ITGA1: variants seen among roughly 807,000 people sequenced by gnomAD.
ITGA1 encodes the protein integrin subunit alpha 1, also known as integrin alpha-1.
Under a neutral mutation model 145.9 loss-of-function variants are expected in ITGA1, and 85 were observed. The ratio of observed to expected loss-of-function variants is 0.58; its 90% CI spans 0.49 to 0.70. ITGA1 has a LOEUF of 0.70. Ranked by LOEUF, ITGA1 falls within the 30% of genes least tolerant of loss-of-function variation. The pLI, the probability that ITGA1 is intolerant of heterozygous loss-of-function variation, is 0.00. For synonymous variants in ITGA1, 520 were observed against 495.3 expected (o/e 1.05, Z -0.66); for missense variants, 1,351 against 1,418.7 (o/e 0.95, Z 0.77).
Position 52,871,163 on chromosome 5 carries a change from G to A in ITGA1, c.624+5346G>A, listed in dbSNP as rs531426488. Among the ~76,000 whole-genome samples the A allele has an allele frequency of 1.4e-3, 213 of 152,288 alleles. 2 individuals carry two copies. Among genetic ancestry groups the A allele is most frequent in the African/African-American group, 4.9e-3 (205 of 41,560 alleles). On this transcript the variant is annotated intron_variant, in intron 6 of 28. Coordinates refer to ENST00000282588, the MANE Select transcript of ITGA1 (RefSeq NM_181501.2). The stretch of plus-strand genomic sequence containing the variant: ...GAAGATTTAACTACAAATGCGCTTT[G>A]ATGTTTCGCCTTGTTGGTTTTAATT...
At chr5:52,857,617 G>A (rs1193710693) in intron 2 of ITGA1, among the ~76,000 whole-genome samples, 2 of 152,106 alleles carry the variant, frequency 1.3e-5, no homozygotes, top group African/African-American at 2.4e-5. Context: ...CTGTGACACT[G>A]CTGTTTTCTG....
At chr5:52,832,797 G>GTGTGTGTGTT (rs1561221797) in intron 1 of ITGA1, among the ~76,000 whole-genome samples, 1 of 147,392 alleles carries the variant, frequency 6.8e-6, no homozygotes, top group African/African-American at 2.5e-5. Flanking sequence ...GTGTGTGTGT[G>GTGTGTGTGTT]TGTGTGTGTG....
At position 52,954,545 on chromosome 5, in the gene ITGA1, T is replaced by A. The variant is rs1170897006; in HGVS notation, c.*2094T>A. On this transcript the variant is annotated 3_prime_UTR_variant, in exon 29 of 29. Transcript: ENST00000282588. ...AGCCCGGCACAATTTTTAACATAAG[T>A]CATTCCTGGCTATTAAGTAAAATAT... 6.6e-5 allele frequency: 10 copies of A among 152,188 alleles called. No homozygotes were observed. The highest frequency in any genetic ancestry group is 2.4e-4 in the African/African-American group (10 of 41,440). 9.4% of individuals were successfully genotyped at this position (152,188 alleles called of 1,614,324 possible). A position where few individuals can be genotyped will look rare whatever the true frequency, so the allele number is the denominator to read the frequency against.
chr5:52,884,895 A>AT (rs1750023103), intron 7 of ITGA1, among the ~76,000 whole-genome samples: 1 of 152,146 alleles, frequency 6.6e-6, no homozygotes, highest in South Asian at 2.1e-4. Context: ...CCTCCCACAG[A>AT]TTAACGGCTC....
chr5:52,928,703 G>A (rs1424878870), intron 20 of ITGA1, among the ~76,000 whole-genome samples: 2 of 152,246 alleles, frequency 1.3e-5, no homozygotes, highest in East Asian at 1.9e-4. Context: ...TCTAGAATCA[G>A]GCAACACCTT....
intron 1 of ITGA1, among the ~76,000 whole-genome samples, chr5:52,843,872 AC>A (rs1749295194): frequency 6.6e-6 from 1 of 152,138 alleles, no homozygotes; most frequent in Non-Finnish European, 1.5e-5. Flanking sequence ...TTCTTAATAC[AC>A]AAAAAGAGGG....
chr5:52,822,740 A>G (rs1004250677), intron 1 of ITGA1, among the ~76,000 whole-genome samples: 3 of 152,146 alleles, frequency 2.0e-5, no homozygotes, highest in Non-Finnish European at 4.4e-5. Context: ...GCTTCGTATG[A>G]TCGGTAATTA....
intron 14 of ITGA1, among the ~76,000 whole-genome samples, chr5:52,915,079 TC>T (rs1225909555): frequency 2.0e-5 from 3 of 152,012 alleles, no homozygotes; most frequent in Admixed American, 1.3e-4. Context: ...TATACTCCCC[TC>T]CCCCCTTTGC....
chr5:52,929,754 G>C lies in ITGA1; in HGVS notation c.2771+53G>C, dbSNP rs139494498. 24 of 949,312 alleles carry C rather than the reference G, an allele frequency of 2.5e-5. No individual in the cohort carries two copies. In the African/African-American group the frequency reaches 3.8e-4, roughly 15 times the overall value. The allele number at this position is 949,312 out of a possible 1,614,324, so 58.8% of individuals were successfully genotyped here. A position where few individuals can be genotyped will look rare whatever the true frequency, so the allele number is the denominator to read the frequency against. ...TATATGAATGTATATTGCTTCTTCT[G>C]TGTATGTCGAATATTTTGCTCTATA... On this transcript the variant is annotated intron_variant, in intron 21 of 28. Coordinates refer to ENST00000282588, the MANE Select transcript of ITGA1 (RefSeq NM_181501.2).
rs773190316 is a variant in ITGA1 at position 52,887,989 on chromosome 5, T to G, written c.924+24T>G. On this transcript the variant is annotated intron_variant, in intron 8 of 28. Transcript: ENST00000282588. ...CTGTAAGTGTGTTGCCGGAGATATTTTCAAACTCTTAGGTGTAGAGAAGAG... is the reference window on the plus strand; with the variant it reads ...CTGTAAGTGTGTTGCCGGAGATATTGTCAAACTCTTAGGTGTAGAGAAGAG... 6 of 1,605,354 alleles carry G rather than the reference T, an allele frequency of 3.7e-6. No individual in the cohort carries two copies. The Admixed American group carries it at 1.0e-4, about 27-fold the overall frequency.
chr5:52,911,874 A>G (rs1750550163), intron 14 of ITGA1, among the ~76,000 whole-genome samples: 1 of 133,190 alleles, frequency 7.5e-6, no homozygotes. Context: ...TATAGTATAT[A>G]GATACACTAT....
In ITGA1 at chr5:52,861,572, A is replaced by T. The variant is rs202058373; in HGVS notation, c.295+13A>T. ...TTGGATCTACCAGGTATGTAAAATT[A>T]AAAAAATCTGGTTTTAGGCCAGGTG... On this transcript the variant is annotated intron_variant, in intron 3 of 28. Transcript: ENST00000282588. The T allele has an allele frequency of 1.7e-4, 262 of 1,563,750 alleles. 1 individual carries two copies. Among genetic ancestry groups the T allele is most frequent in the South Asian group, 1.7e-3 (150 of 89,942 alleles).
At chr5:52,812,920 TGTCA>T (rs79334420) in intron 1 of ITGA1, among the ~76,000 whole-genome samples, 45,716 of 150,968 alleles carry the variant, frequency 0.3, 7,442 homozygotes, top group African/African-American at 0.44. Flanking sequence ...CAAAGCTGTC[TGTCA>T]GAGATTGTGT....
chr5:52,881,902 G>T lies in ITGA1; in HGVS notation c.654G>T (p.Val218=). 1 of 1,613,754 alleles carries T rather than the reference G, an allele frequency of 6.2e-7. No homozygotes were observed. The highest frequency in any genetic ancestry group is 1.1e-5 in the South Asian group (1 of 91,012). ...GAATTGTACAGTATGGAGAAAACGT[G>T]ACCCATGAGTTCAACCTCAATAAGT... is the stretch of plus-strand genomic sequence containing the variant. ...QVGIVQYGEN[V]THEFNLNKYS... The change falls in exon 7 of 29, where the codon GTG becomes GTT. Residue 218 remains valine, a synonymous_variant. Coordinates refer to ENST00000282588, the MANE Select transcript of ITGA1 (RefSeq NM_181501.2).
intron 1 of ITGA1, chr5:52,801,122 T>TA (rs1205712720): frequency 1.3e-6 from 2 of 1,592,572 alleles, no homozygotes; most frequent in Non-Finnish European, 1.7e-6. Flanking sequence ...TTTCTTCAGG[T>TA]AAAACAATCT....
Position 52,859,946 on chromosome 5 carries a change from G to A in ITGA1, c.183-1501G>A, listed in dbSNP as rs150779097. Among the ~76,000 whole-genome samples the A allele has an allele frequency of 5.8e-4, 89 of 152,250 alleles. No homozygotes were observed. In the East Asian group the frequency reaches 0.013, roughly 22 times the overall value. ...ATTAGCATTTTTGGCACTAAAATAC[G>A]CTGTTGCTCATGTTTATGTGCTATC... On this transcript the variant is annotated intron_variant, in intron 2 of 28. Coordinates refer to ENST00000282588, the MANE Select transcript of ITGA1 (RefSeq NM_181501.2).
chr5:52,906,127 A>T (rs542079087), intron 12 of ITGA1, among the ~76,000 whole-genome samples: 37 of 152,318 alleles, frequency 2.4e-4, no homozygotes, highest in African/African-American at 7.5e-4. Context: ...ATGTGGATAC[A>T]GATGTACAAA....
chr5:52,883,410 A>C (rs1749996634), intron 7 of ITGA1, among the ~76,000 whole-genome samples: 1 of 152,206 alleles, frequency 6.6e-6, no homozygotes. Context: ...TGTGTTTCAC[A>C]AAGGGTATAG....
Position 52,925,337 on chromosome 5 carries a change from T to G in ITGA1, c.2463T>G (p.His821Gln), listed in dbSNP as rs1286888536. 1.2e-6 allele frequency: 2 copies of G among 1,614,016 alleles called. No homozygotes were observed. Among genetic ancestry groups the G allele is most frequent in the South Asian group, 1.1e-5 (1 of 91,088 alleles). Residue 821 changes from histidine to glutamine, a missense_variant, in exon 19 of 29, where the codon CAT becomes CAG. By Grantham distance (24) the His-to-Gln change is conservative. Coordinates refer to ENST00000282588, the MANE Select transcript of ITGA1 (RefSeq NM_181501.2). ...AATGTATCTCAGACCTCAGCCTGCA[T>G]GTCGCCACCACTGAAAAGGACCTGC... ...KEKCISDLSL[H>Q]VATTEKDLLI...
Sources: allele counts gnomAD v4.1 joint callset (sites outside exome capture counted in the v4.1 genomes callset), GRCh38; gene constraint gnomAD v4.1.1; transcripts MANE v1.5; gene names NCBI Gene and HGNC (gene_info 2026-07-23, HGNC 2026-07-21).